Variants in WIPF1 observed in about 807,000 individuals in gnomAD.
WIPF1 encodes the protein WAS/WASL-interacting protein family member 1.
WIPF1 carries 13 observed loss-of-function variants against 35.4 expected under a neutral mutation model. The ratio of observed to expected loss-of-function variants is 0.37; its 90% CI spans 0.24 to 0.58. WIPF1 has a LOEUF of 0.58. Ranked by LOEUF, WIPF1 falls within the 20% of genes least tolerant of loss-of-function variation. The pLI is 0.74. For synonymous variants in WIPF1, 267 were observed against 266.3 expected (o/e 1.00, Z -0.02); for missense variants, 591 against 667.0 (o/e 0.89, Z 1.25).
chr2:174,604,532 T>C (rs904362534), intron 1 of WIPF1, among the ~76,000 whole-genome samples: 1 of 152,004 alleles, frequency 6.6e-6, no homozygotes, highest in African/African-American at 2.4e-5. Context: ...AAAGATGAAA[T>C]AGATGGCATA....
rs1684829391 is a variant in WIPF1, at chr2:174,571,410, C to T, written c.1129+266G>A. The T allele has an allele frequency of 8.2e-6, 5 of 611,850 alleles. No individual in the cohort carries two copies. Among genetic ancestry groups the T allele is most frequent in the South Asian group, 7.8e-5 (4 of 51,096 alleles). The allele number at this position is 611,850 out of a possible 1,614,324, so 37.9% of individuals were successfully genotyped here. Reference sequence around the variant, plus strand: ...AGAGATGGAAGATGAAAGTTCTTGCCTCTTCTTTATTAACTAGCTCGTGAC... The same window carrying T: ...AGAGATGGAAGATGAAAGTTCTTGCTTCTTCTTTATTAACTAGCTCGTGAC... On this transcript the variant is annotated intron_variant, in intron 5 of 7. Transcript: ENST00000679041. This position sits in a 1 kb window ranked among gnomAD's most constrained non-coding sequence, Gnocchi z 4.6.
chr2:174,573,008 T>C (rs950614527), intron 4 of WIPF1, among the ~76,000 whole-genome samples: 3 of 152,000 alleles, frequency 2.0e-5, no homozygotes, highest in Non-Finnish European at 4.4e-5. Flanking sequence ...ATGACTGCAA[T>C]AAGAAAAAAC....
intron 1 of WIPF1, among the ~76,000 whole-genome samples, chr2:174,632,534 AC>A (rs986408570): frequency 4.6e-5 from 7 of 151,832 alleles, no homozygotes; most frequent in Non-Finnish European, 8.8e-5. Context: ...ACACGGTGAA[AC>A]CCCGTATCTA....
chr2:174,573,052 A>G lies in WIPF1; in HGVS notation c.359-606T>C, dbSNP rs543793427. ...GAAAAAGAACCATCAGTAAAGTTTAATTGTAAGAGTTGACACCAGTGGATG... is the reference window on the plus strand; with the variant it reads ...GAAAAAGAACCATCAGTAAAGTTTAGTTGTAAGAGTTGACACCAGTGGATG... On this transcript the variant is annotated intron_variant, in intron 4 of 7. Coordinates refer to ENST00000679041, the MANE Select transcript of WIPF1 (RefSeq NM_001375834.1). Among the ~76,000 whole-genome samples the G allele has an allele frequency of 5.9e-5, 9 of 152,350 alleles. 1 individual carries two copies. In the South Asian group the frequency reaches 1.7e-3, roughly 28 times the overall value.
chr2:174,571,705 G>C lies in WIPF1; in HGVS notation c.1100C>G (p.Pro367Arg). The C allele has an allele frequency of 3.7e-6, 6 of 1,614,178 alleles. No homozygotes were observed. The highest frequency in any genetic ancestry group is 5.1e-6 in the Non-Finnish European group (6 of 1,180,044). The change falls in exon 5 of 8, where the codon CCT (proline) becomes CGT (arginine). Residue 367 changes from proline to arginine, a missense_variant. Pro to Arg is a moderately radical substitution (Grantham distance 103). Around this residue, in one of 3 missense-constraint regions of WIPF1, gnomAD observed 471 missense variants for 501.1 expected, o/e 0.94. Transcript: ENST00000679041. The surrounding 1 kb of genome is among the most constrained non-coding windows in gnomAD (Gnocchi z 4.6). ...LPPPPSERPP[P>R]PVRDPPGRSG... is the part of the protein sequence containing the mutation. ...TCGGCCTGGCGGGTCCCTCACTGGA[G>C]GTGGGGGTCTCTCACTGGGCGGGGG...
At chr2:174,591,673 TACACACACACACAC>T (rs71407131) in intron 1 of WIPF1, among the ~76,000 whole-genome samples, 1 of 146,724 alleles carries the variant, frequency 6.8e-6, no homozygotes, top group Non-Finnish European at 1.5e-5. Flanking sequence ...CTTTGTTGCT[TACACACACACACAC>T]ACACACACAC....
At chr2:174,603,728 T>C (rs1314269169) in intron 1 of WIPF1, among the ~76,000 whole-genome samples, 1 of 152,066 alleles carries the variant, frequency 6.6e-6, no homozygotes, top group African/African-American at 2.4e-5. Flanking sequence ...GCAACCAAGA[T>C]GGGTGAGAGT....
At chr2:174,630,024 G>C (rs928335941) in intron 1 of WIPF1, among the ~76,000 whole-genome samples, 4 of 152,106 alleles carry the variant, frequency 2.6e-5, no homozygotes, top group African/African-American at 9.7e-5. Context: ...CCAAATAATT[G>C]TAGGCTCCAA....
intron 7 of WIPF1, among the ~76,000 whole-genome samples, chr2:174,564,364 T>C (rs1167308221): frequency 1.3e-5 from 2 of 152,228 alleles, no homozygotes; most frequent in African/African-American, 2.4e-5. Flanking sequence ...CTCATGCCTA[T>C]AATCCAGTGC....
At chr2:174,674,901 AAT>A (rs1298533030) in intron 1 of WIPF1, among the ~76,000 whole-genome samples, 1 of 117,734 alleles carries the variant, frequency 8.5e-6, no homozygotes, top group Non-Finnish European at 1.7e-5. Context: ...GGCAGGTTCA[AAT>A]ACACACACAC....
At chr2:174,646,753 A>G (rs892787408) in intron 1 of WIPF1, among the ~76,000 whole-genome samples, 2 of 152,088 alleles carry the variant, frequency 1.3e-5, no homozygotes, top group African/African-American at 4.8e-5. Context: ...AGCTGGGACC[A>G]CAGGCACTCA....
intron 1 of WIPF1, among the ~76,000 whole-genome samples, chr2:174,640,148 T>G (rs1687267955): frequency 6.6e-6 from 1 of 151,886 alleles, no homozygotes. Flanking sequence ...TAGTGAACTA[T>G]CTATAAAAGA....
At chr2:174,594,769 A>T (rs1197440069) in intron 1 of WIPF1, among the ~76,000 whole-genome samples, 1 of 138,272 alleles carries the variant, frequency 7.2e-6, no homozygotes, top group African/African-American at 2.6e-5. Context: ...TATTCATTTT[A>T]TCATTGAAAG....
chr2:174,668,042 C>G (rs1687929509), intron 1 of WIPF1, among the ~76,000 whole-genome samples: 1 of 152,188 alleles, frequency 6.6e-6, no homozygotes. Flanking sequence ...CCTCCCCAGC[C>G]CTACGTCTTG....
Position 174,632,567 on chromosome 2 carries a change from C to T in WIPF1, c.-38-46956G>A, listed in dbSNP as rs554637957. Among the ~76,000 whole-genome samples the T allele has an allele frequency of 7.1e-4, 108 of 151,714 alleles. 1 individual carries two copies. In the South Asian group the frequency reaches 0.011, roughly 16 times the overall value. ...TCTACTAAAAATACAATATTAGCCA[C>T]GTGTGGTGATGCATGCCTGTAATCC... On this transcript the variant is annotated intron_variant, in intron 1 of 8. Coordinates refer to the WIPF1 transcript ENST00000272746.
At position 174,568,007 on chromosome 2, in the gene WIPF1, G is replaced by T. The variant is rs1684716723; in HGVS notation, c.1196C>A (p.Pro399His). The T allele has an allele frequency of 6.2e-7, 1 of 1,613,992 alleles. No individual in the cohort carries two copies. Among genetic ancestry groups the T allele is most frequent in the East Asian group, 2.2e-5 (1 of 44,882 alleles). ...TACTCCACTCCTGGATGGCAACTGA[G>T]GGGTAGCAGGCAGGGCCCGAGATGT... Reference protein sequence around the residue: ...GSTSRALPATPQLPSRSGVDS... With the variant: ...GSTSRALPATHQLPSRSGVDS... The change falls in exon 6 of 8, where the codon CCT becomes CAT. Residue 399 changes from proline to histidine, a missense_variant. By Grantham distance (77) the Pro-to-His change is moderately conservative. Coordinates refer to ENST00000679041, the MANE Select transcript of WIPF1 (RefSeq NM_001375834.1).
intron 1 of WIPF1, among the ~76,000 whole-genome samples, chr2:174,642,524 T>C (rs1687319407): frequency 6.6e-6 from 1 of 151,996 alleles, no homozygotes; most frequent in Admixed American, 6.6e-5. Context: ...TTTTTTTGTA[T>C]TTTTAGTAGA....
chr2:174,567,074 G>A lies in WIPF1; in HGVS notation c.1452C>T (p.Ser484=), dbSNP rs761674906. 5.6e-6 allele frequency: 9 copies of A among 1,614,070 alleles called. No individual in the cohort carries two copies. Among genetic ancestry groups the A allele is most frequent in the Non-Finnish European group, 7.6e-6 (9 of 1,179,940 alleles). The change falls in exon 7 of 8, where the codon AGC becomes AGT. Residue 484 remains serine (S), a synonymous_variant. Coordinates refer to ENST00000679041, the MANE Select transcript of WIPF1 (RefSeq NM_001375834.1). ...SYPSKLARNE[S]RSGSNRRERG... is the part of the protein sequence containing the mutation. ...AACCTTGGCAGAAATACTCACTCCGGCTTTCGTTTCTTGCCAGTTTGCTGG... is the reference window on the plus strand; with the variant it reads ...AACCTTGGCAGAAATACTCACTCCGACTTTCGTTTCTTGCCAGTTTGCTGG...
rs982993682 is a variant in WIPF1 at position 174,559,666 on chromosome 2, C to G, written c.*2881G>C. On this transcript the variant is annotated 3_prime_UTR_variant, in exon 8 of 8. Transcript: ENST00000679041. ...TACCACTTACACTATCCTGATGACACAGATAGCAAAATGTGTCTGTTTACA... is the reference window on the plus strand; with the variant it reads ...TACCACTTACACTATCCTGATGACAGAGATAGCAAAATGTGTCTGTTTACA... 1 of 152,276 alleles carries G rather than the reference C, an allele frequency of 6.6e-6. No individual in the cohort carries two copies. The highest frequency in any genetic ancestry group is 2.4e-5 in the African/African-American group (1 of 41,406). The allele number at this position is 152,276 out of a possible 1,614,324, so 9.4% of individuals were successfully genotyped here.
Sources: gnomAD v4.1 joint callset for allele counts (sites outside exome capture counted in the v4.1 genomes callset) on GRCh38, gnomAD v4.1.1 for gene constraint, gnomAD v4.1.1 regional missense constraint, Gnocchi (gnomAD v3.1) non-coding constraint, MANE v1.5 for transcripts, NCBI Gene and HGNC (gene_info 2026-07-23, HGNC 2026-07-21) for gene names.